Variants in STRIP2 observed in about 807,000 individuals in gnomAD.
STRIP2 encodes striatin interacting protein 2.
Under a neutral mutation model 107.1 loss-of-function variants are expected in STRIP2, and 84 were observed. That is an observed-to-expected ratio of 0.78 (90% CI 0.66 to 0.94). The LOEUF (loss-of-function observed/expected upper bound fraction) is 0.94, where lower values mean the gene tolerates loss of function less well. Among genes scored for constraint, STRIP2 ranks in the 40% least tolerant of loss-of-function variants. STRIP2 has a pLI of 0.00. For missense variants in STRIP2, 888 were observed against 1,034.2 expected (o/e 0.86, Z 1.94); for synonymous variants, 394 against 400.4 (o/e 0.98, Z 0.19).
At chr7:129,437,009 G>A (rs896241880) in intron 1 of STRIP2, among the ~76,000 whole-genome samples, 1 of 152,186 alleles carries the variant, frequency 6.6e-6, no homozygotes, top group Admixed American at 6.5e-5. Flanking sequence ...GTAAAATGAG[G>A]AAAATTCAGG....
intron 18 of STRIP2, among the ~76,000 whole-genome samples, chr7:129,476,660 G>A (rs1798960707): frequency 6.6e-6 from 1 of 151,362 alleles, no homozygotes; most frequent in Admixed American, 6.6e-5. Flanking sequence ...ACTGGATGGC[G>A]GCCGGGAAGA....
chr7:129,436,508 GAAC>G (rs1292810705), intron 1 of STRIP2, among the ~76,000 whole-genome samples: 2 of 152,320 alleles, frequency 1.3e-5, no homozygotes, highest in African/African-American at 4.8e-5. Context: ...GCCTGGAAAT[GAAC>G]AACTGCTGCG....
At chr7:129,472,776 C>G (rs2551362) in intron 18 of STRIP2, among the ~76,000 whole-genome samples, 1 of 78,280 alleles carries the variant, frequency 1.3e-5, no homozygotes, top group Admixed American at 1.9e-4. Context: ...TTTTCTTTTC[C>G]TTTTTTTTTT....
At position 129,451,694 on chromosome 7, in the gene STRIP2, T is replaced by C. The variant is rs1197471897; in HGVS notation, c.356T>C (p.Val119Ala). ...GGACTCTTGGACCGGCTAGAGGTGG[T>C]CAGTAGGGAACGGCGGCTGAAGGTG... ...IMGLLDRLEV[V>A]SRERRLKVAR... Residue 119 changes from valine (V) to alanine (A), a missense_variant, in exon 4 of 21, where the codon GTC (valine) becomes GCC (alanine). Transcript: ENST00000249344. The C allele has an allele frequency of 6.2e-7, 1 of 1,614,044 alleles. No individual in the cohort carries two copies.
chr7:129,464,869 A>AT, intron 16 of STRIP2, 131 bp downstream of exon 16: 1 of 1,219,996 alleles, frequency 8.2e-7, no homozygotes, highest in South Asian at 1.4e-5. Flanking sequence ...CTCTCAGGGA[A>AT]TCCAGCCACC....
chr7:129,471,541 C>T (rs1798788694), intron 18 of STRIP2, among the ~76,000 whole-genome samples: 1 of 143,636 alleles, frequency 7.0e-6, no homozygotes, highest in South Asian at 2.2e-4. Flanking sequence ...ATGGTTACTA[C>T]AACCCTTTGT....
rs1258938932 is a variant in STRIP2 at position 129,459,547 on chromosome 7, G to C, written c.1371G>C (p.Arg457Ser). ...CAGATACATTGGTTGGATTACCCAG[G>C]CCCATCCATGAGAGTGTGAAGACCC... ...QDTDTLVGLP[R>S]PIHESVKTLK... Residue 457 changes from arginine (R) to serine (S), a missense_variant, in exon 12 of 21, where the codon AGG (arginine) becomes AGC (serine). Physicochemically the swap from Arg to Ser is moderately radical, Grantham distance 110. Transcript: ENST00000249344. 2 of 1,613,932 alleles carry C rather than the reference G, an allele frequency of 1.2e-6. No individual in the cohort carries two copies. The highest frequency in any genetic ancestry group is 1.7e-6 in the Non-Finnish European group (2 of 1,179,998).
At chr7:129,464,810 A>G (rs1448238979) in intron 16 of STRIP2, 72 bp downstream of exon 16, 3 of 1,593,312 alleles carry the variant, frequency 1.9e-6, no homozygotes, top group African/African-American at 1.3e-5. Context: ...GGAAGGATGC[A>G]AAGTCCCTTT....
At chr7:129,459,184 C>T (rs1798456714) in intron 11 of STRIP2, among the ~76,000 whole-genome samples, 1 of 152,114 alleles carries the variant, frequency 6.6e-6, no homozygotes, top group Admixed American at 6.5e-5. Context: ...CCACTGGCCT[C>T]TTGAAAATTG....
At chr7:129,447,550 C>G (rs1470377585) in intron 3 of STRIP2, among the ~76,000 whole-genome samples, 2 of 152,192 alleles carry the variant, frequency 1.3e-5, no homozygotes, top group Admixed American at 6.5e-5. Flanking sequence ...AATGTGATAT[C>G]TTGTGGAAGC....
At chr7:129,463,991 TC>T in intron 14 of STRIP2, 52 bp from the exon 15 acceptor site, 1 of 1,450,906 alleles carries the variant, frequency 6.9e-7, no homozygotes, top group Non-Finnish European at 9.6e-7. Context: ...AAGAATCACT[TC>T]CTTGCTGAGT....
At chr7:129,473,712 T>A (rs1562914589) in intron 18 of STRIP2, among the ~76,000 whole-genome samples, 2 of 151,864 alleles carry the variant, frequency 1.3e-5, no homozygotes, top group Non-Finnish European at 2.9e-5. Context: ...ATTTATTTTT[T>A]ATTTTTATTT....
chr7:129,474,726 G>T (rs571559155), intron 18 of STRIP2, among the ~76,000 whole-genome samples: 1 of 151,828 alleles, frequency 6.6e-6, no homozygotes, highest in Admixed American at 6.6e-5. Flanking sequence ...TGGCCAGGCT[G>T]GTCTTGAACT....
rs140729804 is a variant in STRIP2, at chr7:129,456,979, G to A, written c.1038+337G>A. Among the ~76,000 whole-genome samples the A allele has an allele frequency of 5.0e-3, 763 of 152,270 alleles. 6 individuals are homozygous for A. Among genetic ancestry groups the A allele is most frequent in the African/African-American group, 0.017 (709 of 41,542 alleles). Reference sequence around the variant, plus strand: ...CCTGGGGATAGGGACCCAGGATACCGGAACAGGTCTCCAAGCAAATCCATT... The same window carrying A: ...CCTGGGGATAGGGACCCAGGATACCAGAACAGGTCTCCAAGCAAATCCATT... On this transcript the variant is annotated intron_variant, in intron 9 of 20. Coordinates refer to ENST00000249344, the MANE Select transcript of STRIP2 (RefSeq NM_020704.3).
rs957168221 is a variant in STRIP2 at position 129,458,019 on chromosome 7, A to G, written c.1039-196A>G. 2 of 628,960 alleles carry G rather than the reference A, an allele frequency of 3.2e-6. No homozygotes were observed. The highest frequency in any genetic ancestry group is 1.8e-5 in the African/African-American group (1 of 55,406). The allele number at this position is 628,960 out of a possible 1,614,324, so 39.0% of individuals were successfully genotyped here. On this transcript the variant is annotated intron_variant, in intron 9 of 20. Transcript: ENST00000249344. The surrounding 1 kb of genome is among the most constrained non-coding windows in gnomAD (Gnocchi z 4.6). ...ATGTTCCCTGGCTAATGGCAGGGTT[A>G]CCTGAGAACTTCTTGTCCTGTTATT...
At chr7:129,472,804 T>TTTTTTTTG (rs1562914059) in intron 18 of STRIP2, among the ~76,000 whole-genome samples, 1 of 136,696 alleles carries the variant, frequency 7.3e-6, no homozygotes, top group Non-Finnish European at 1.6e-5. Flanking sequence ...TTTTTTTTTT[T>TTTTTTTTG]GAGACAGAGT....
chr7:129,483,257 G>A lies in STRIP2; in HGVS notation c.2254+211G>A, dbSNP rs577900312. Reference sequence around the variant, plus strand: ...TGTCCTATGTAAACTATGAAAATCCGTTTTATAAAACAAGTAAATTGAGAG... The same window carrying A: ...TGTCCTATGTAAACTATGAAAATCCATTTTATAAAACAAGTAAATTGAGAG... On this transcript the variant is annotated intron_variant, in intron 20 of 20. Transcript: ENST00000249344. The surrounding 1 kb of genome is among the most constrained non-coding windows in gnomAD (Gnocchi z 5.1). 136 of 1,251,046 alleles carry A rather than the reference G, an allele frequency of 1.1e-4. No homozygotes were observed. In the African/African-American group the frequency reaches 1.3e-3, roughly 12 times the overall value. 77.5% of individuals were successfully genotyped at this position (1,251,046 alleles called of 1,614,324 possible). A position where few individuals can be genotyped will look rare whatever the true frequency, so the allele number is the denominator to read the frequency against.
intron 1 of STRIP2, among the ~76,000 whole-genome samples, chr7:129,436,704 AGAG>A: frequency 6.6e-6 from 1 of 152,126 alleles, no homozygotes; most frequent in East Asian, 1.9e-4. Context: ...GGCAGTCCTT[AGAG>A]GAGATGGGAT....
chr7:129,479,452 T>C (rs1392855995), intron 18 of STRIP2, among the ~76,000 whole-genome samples: 3 of 151,738 alleles, frequency 2.0e-5, no homozygotes, highest in Non-Finnish European at 2.9e-5. Flanking sequence ...TATTGAACAT[T>C]TACTGTATGA....
Sources: allele counts gnomAD v4.1 joint callset (sites outside exome capture counted in the v4.1 genomes callset), GRCh38; gene constraint gnomAD v4.1.1; non-coding constraint Gnocchi (gnomAD v3.1); transcripts MANE v1.5; gene names NCBI Gene and HGNC (gene_info 2026-07-23, HGNC 2026-07-21).